NCBP3: variants seen among roughly 807,000 people sequenced by gnomAD.
The protein encoded by NCBP3 is nuclear cap-binding protein subunit 3.
Under a neutral mutation model 75.7 loss-of-function variants are expected in NCBP3, and 20 were observed. That is an observed-to-expected ratio of 0.26 (90% confidence interval 0.19 to 0.38). The LOEUF (loss-of-function observed/expected upper bound fraction) is 0.38, where lower values mean the gene tolerates loss of function less well. Ranked by LOEUF, NCBP3 falls within the 10% of genes least tolerant of loss-of-function variation. NCBP3 has a pLI of 1.00. For missense variants in NCBP3, 678 were observed against 796.9 expected, an observed-to-expected ratio of 0.85 and a Z score of 1.80; for synonymous variants, 293 against 290.5, an observed-to-expected ratio of 1.01 and a Z score of -0.09.
chr17:3,802,553 AT>A lies in NCBP3; in HGVS notation c.*10490del, dbSNP rs1273279953. 2 of 152,232 alleles carry A rather than the reference AT, an allele frequency of 1.3e-5. No individual in the cohort carries two copies. The highest frequency in any genetic ancestry group is 2.9e-5 in the Non-Finnish European group (2 of 68,042). 9.4% of individuals were successfully genotyped at this position (152,232 alleles called of 1,614,324 possible). A position where few individuals can be genotyped will look rare whatever the true frequency, so the allele number is the denominator to read the frequency against. On this transcript the variant is annotated 3_prime_UTR_variant, in exon 13 of 13. Coordinates refer to ENST00000389005, the MANE Select transcript of NCBP3 (RefSeq NM_001114118.3). ...CTGGTGGTTTTCCTGCCAGGTCATG[AT>A]GAAACCATCCTACTTCTGTTGAACC... is the stretch of plus-strand genomic sequence containing the variant.
intron 1 of NCBP3, among the ~76,000 whole-genome samples, chr17:3,845,134 G>A (rs1297067461): frequency 6.6e-6 from 1 of 152,148 alleles, no homozygotes. Context: ...CACTAAAGGC[G>A]TGCACGGCCA....
At position 3,818,112 on chromosome 17, in the gene NCBP3, T is replaced by C. The variant is rs1225453227; in HGVS notation, c.1310+151A>G. On this transcript the variant is annotated intron_variant, in intron 10 of 12. Transcript: ENST00000389005. The surrounding 1 kb of genome is among the most constrained non-coding windows in gnomAD (Gnocchi z 4.7). ...TTTTTATAACAAGAATCACTGCTTGTATAGAGGAAATACTGGATGCGTTTA... is the reference window on the plus strand; with the variant it reads ...TTTTTATAACAAGAATCACTGCTTGCATAGAGGAAATACTGGATGCGTTTA... 4.6e-6 allele frequency: 3 copies of C among 656,494 alleles called. No individual in the cohort carries two copies. Among genetic ancestry groups the C allele is most frequent in the Admixed American group, 3.5e-5 (1 of 28,562 alleles). The allele number at this position is 656,494 out of a possible 1,614,324, so 40.7% of individuals were successfully genotyped here.
At chr17:3,817,470 T>C (rs113487619) in intron 10 of NCBP3, among the ~76,000 whole-genome samples, 2,450 of 151,768 alleles carry the variant, frequency 0.016, 24 homozygotes, top group Middle Eastern at 0.031. Flanking sequence ...TCTACTAAAA[T>C]TACAAAAAAT....
At chr17:3,836,159 C>T (rs779642321) in intron 3 of NCBP3, among the ~76,000 whole-genome samples, 5 of 152,208 alleles carry the variant, frequency 3.3e-5, no homozygotes, top group African/African-American at 4.8e-5. Context: ...TTGAACTTGA[C>T]GCCTAGTGTG....
intron 1 of NCBP3, among the ~76,000 whole-genome samples, 165 bp downstream of exon 1, chr17:3,845,876 G>A (rs1167612057): frequency 6.6e-6 from 1 of 150,688 alleles, no homozygotes; most frequent in African/African-American, 2.5e-5. Flanking sequence ...CCCGCTCCGC[G>A]TCCCTCCTCC....
At chr17:3,815,090 T>C (rs1660464730) in intron 11 of NCBP3, among the ~76,000 whole-genome samples, 1 of 152,166 alleles carries the variant, frequency 6.6e-6, no homozygotes, top group South Asian at 2.1e-4. Context: ...CTGAGCTCCT[T>C]TCCTCCAACA....
chr17:3,818,611 A>G lies in NCBP3; in HGVS notation c.1001-39T>C. 6.4e-7 allele frequency: 1 copy of G among 1,559,644 alleles called. No homozygotes were observed. The highest frequency in any genetic ancestry group is 8.6e-7 in the Non-Finnish European group (1 of 1,161,746). Reference sequence around the variant, plus strand: ...ACCAGAAAACATTAGGAAAAGCACTAAAATTAACAAGTATGATTTTCTACT... The same window carrying G: ...ACCAGAAAACATTAGGAAAAGCACTGAAATTAACAAGTATGATTTTCTACT... On this transcript the variant is annotated intron_variant, in intron 9 of 12. Coordinates refer to ENST00000389005, the MANE Select transcript of NCBP3 (RefSeq NM_001114118.3). The surrounding 1 kb of genome is among the most constrained non-coding windows in gnomAD (Gnocchi z 4.7).
chr17:3,831,330 T>C (rs2053873993), intron 3 of NCBP3, among the ~76,000 whole-genome samples: 1 of 151,818 alleles, frequency 6.6e-6, no homozygotes, highest in Non-Finnish European at 1.5e-5. Flanking sequence ...TCCCAGCACT[T>C]TGGGAGGCAG....
chr17:3,822,467 C>A, intron 7 of NCBP3: 1 of 158,686 alleles, frequency 6.3e-6, no homozygotes, highest in Non-Finnish European at 1.4e-5. Context: ...AACACAGCAT[C>A]AGGATTAAGG....
Position 3,818,244 on chromosome 17 carries a change from TG to T in NCBP3, c.1310+18del, listed in dbSNP as rs1211586149. The stretch of plus-strand genomic sequence containing the variant: ...TTAAAATCAAATTAAAAGCTAGCTT[TG>T]ATAAAACAAATTTTTACCTAATATT... On this transcript the variant is annotated intron_variant, in intron 10 of 12. Transcript: ENST00000389005. The surrounding 1 kb of genome is among the most constrained non-coding windows in gnomAD (Gnocchi z 4.7). The T allele has an allele frequency of 6.5e-7, 1 of 1,535,930 alleles. No homozygotes were observed. The highest frequency in any genetic ancestry group is 8.8e-7 in the Non-Finnish European group (1 of 1,135,792).
intron 9 of NCBP3, among the ~76,000 whole-genome samples, chr17:3,820,492 A>T (rs1179144585): frequency 1.3e-5 from 2 of 152,242 alleles, no homozygotes; most frequent in Non-Finnish European, 2.9e-5. Flanking sequence ...GCACCAAAAA[A>T]AGGAGAAAGA....
At chr17:3,821,425 CTT>C in intron 8 of NCBP3, 73 bp from the exon 9 acceptor site, 1 of 1,246,640 alleles carries the variant, frequency 8.0e-7, no homozygotes. Context: ...ATTTCTTTCT[CTT>C]TTCTTTTTTT....
chr17:3,813,327 C>T, intron 12 of NCBP3, 48 bp from the exon 13 acceptor site: 3 of 1,602,340 alleles, frequency 1.9e-6, no homozygotes, highest in Non-Finnish European at 2.6e-6. Flanking sequence ...CGCTAAGAAC[C>T]AGGGTAGCAC....
rs766140485 is a variant in NCBP3 at position 3,812,983 on chromosome 17, C to T, written c.*61G>A. ...GCTCCTGCGGGGGAGGTTCCTACTGCGCGCCCCACCCTGTGCAAGAATGTC... is the reference window on the plus strand; with the variant it reads ...GCTCCTGCGGGGGAGGTTCCTACTGTGCGCCCCACCCTGTGCAAGAATGTC... On this transcript the variant is annotated 3_prime_UTR_variant, in exon 13 of 13. Coordinates refer to ENST00000389005, the MANE Select transcript of NCBP3 (RefSeq NM_001114118.3). The T allele has an allele frequency of 1.8e-5, 29 of 1,600,946 alleles. No homozygotes were observed. Among genetic ancestry groups the T allele is most frequent in the Middle Eastern group, 3.6e-4 (2 of 5,530 alleles).
rs1423740967 is a variant in NCBP3 at position 3,810,236 on chromosome 17, A to G, written c.*2808T>C. 1 of 152,278 alleles carries G rather than the reference A, an allele frequency of 6.6e-6. No individual in the cohort carries two copies. The highest frequency in any genetic ancestry group is 2.4e-5 in the African/African-American group (1 of 41,468). 9.4% of individuals were successfully genotyped at this position (152,278 alleles called of 1,614,324 possible). On this transcript the variant is annotated 3_prime_UTR_variant, in exon 13 of 13. Coordinates refer to ENST00000389005, the MANE Select transcript of NCBP3 (RefSeq NM_001114118.3). ...ATGGAGACAGGGCAGAGACCAGTGA[A>G]GAGGCTGCTGTACAAATGCAGCTGG...
intron 1 of NCBP3, 134 bp downstream of exon 1, chr17:3,845,907 A>C: frequency 9.1e-6 from 9 of 992,328 alleles, no homozygotes; most frequent in African/African-American, 3.6e-5. Flanking sequence ...TCCCGTTCCC[A>C]GGACGCTGGC....
At chr17:3,827,178 G>A (rs768129414) in intron 4 of NCBP3, among the ~76,000 whole-genome samples, 12 of 152,086 alleles carry the variant, frequency 7.9e-5, no homozygotes, top group Non-Finnish European at 1.6e-4. Context: ...CTAGAGCTGC[G>A]TTTCCAAACT....
At chr17:3,826,310 C>G in intron 4 of NCBP3, 95 bp from the exon 5 acceptor site, 4 of 1,170,102 alleles carry the variant, frequency 3.4e-6, no homozygotes, top group Non-Finnish European at 4.7e-6. Flanking sequence ...ACAGCCTCAT[C>G]TAGCAACAGA....
rs1158615049 is a variant in NCBP3 at position 3,816,064 on chromosome 17, T to C, written c.1465+52A>G. 7.7e-6 allele frequency: 12 copies of C among 1,567,026 alleles called. No individual in the cohort carries two copies. In the South Asian group the frequency reaches 1.3e-4, roughly 17 times the overall value. ...ACTCAGGAACCTCTCTCTGCCCCAG[T>C]CTGCTTTCCGGAGCTCAGAATCCAG... is the stretch of plus-strand genomic sequence containing the variant. On this transcript the variant is annotated intron_variant, in intron 11 of 12. Transcript: ENST00000389005.
Sources: allele counts gnomAD v4.1 joint callset (sites outside exome capture counted in the v4.1 genomes callset), GRCh38; gene constraint gnomAD v4.1.1; non-coding constraint Gnocchi (gnomAD v3.1); transcripts MANE v1.5; gene names NCBI Gene and HGNC (gene_info 2026-07-23, HGNC 2026-07-21).